The following MOK variants were observed in gnomAD, a reference collection of about 807,000 sequenced individuals.
The protein encoded by MOK is MAPK/MAK/MRK overlapping kinase.
In MOK, 59 loss-of-function variants were observed where a neutral mutation model predicts 54.2. That is an observed-to-expected ratio of 1.09 (90% CI 0.88 to 1.35). The LOEUF (loss-of-function observed/expected upper bound fraction) is 1.35. Ranked by LOEUF, MOK falls within the 40% of genes most tolerant of loss-of-function variation. The pLI is 0.00. For synonymous variants in MOK, 210 were observed against 202.7 expected (o/e 1.04, Z -0.31); for missense variants, 517 against 526.2 (o/e 0.98, Z 0.17).
rs1418413138 is a variant in MOK at position 102,231,482 on chromosome 14, T to A, written c.981+225A>T. 1 of 507,612 alleles carries A rather than the reference T, an allele frequency of 2.0e-6. No individual in the cohort carries two copies. The highest frequency in any genetic ancestry group is 1.9e-5 in the African/African-American group (1 of 51,786). 31.4% of individuals were successfully genotyped at this position (507,612 alleles called of 1,614,324 possible). ...GCCTGCTCACATGGGATATTCGTCA[T>A]CAATTCTTAGCTACTGGGGCAGAAA... On this transcript the variant is annotated intron_variant, in intron 10 of 11. Coordinates refer to ENST00000361847, the MANE Select transcript of MOK (RefSeq NM_014226.3). The surrounding 1 kb of genome is among the most constrained non-coding windows in gnomAD (Gnocchi z 4.4).
intron 7 of MOK, among the ~76,000 whole-genome samples, chr14:102,247,697 T>C (rs1011259489): frequency 6.6e-6 from 1 of 152,208 alleles, no homozygotes; most frequent in Non-Finnish European, 1.5e-5. Context: ...CACAGAGGCG[T>C]AGACCGACTC....
At chr14:102,227,451 C>T (rs574817859), downstream of MOK, among the ~76,000 whole-genome samples, 215 of 152,164 alleles carry the variant, frequency 1.4e-3, no homozygotes, top group African/African-American at 5.1e-3. Flanking sequence ...GGCAGAACGG[C>T]ACCACCCCCC....
At chr14:102,288,179 T>C (rs1244787530) in intron 1 of MOK, among the ~76,000 whole-genome samples, 2 of 152,178 alleles carry the variant, frequency 1.3e-5, no homozygotes, top group African/African-American at 2.4e-5. Context: ...ATTCCACTCC[T>C]ACATATATGC....
chr14:102,216,458 A>C, the MOK span, among the ~76,000 whole-genome samples: 2 of 152,232 alleles, frequency 1.3e-5, no homozygotes, highest in African/African-American at 4.8e-5. Flanking sequence ...AACTCAGCTA[A>C]TTTTTGTGTA....
At chr14:102,227,634 T>A (rs1010983028), downstream of MOK, among the ~76,000 whole-genome samples, 3 of 152,202 alleles carry the variant, frequency 2.0e-5, no homozygotes, top group Admixed American at 2.0e-4. Context: ...GTCTGAACAT[T>A]ACGGCAAGCC....
rs770210905 is a variant in MOK, at chr14:102,250,926, G to A, written c.476C>T (p.Thr159Met). 10 of 1,614,108 alleles carry A rather than the reference G, an allele frequency of 6.2e-6. No homozygotes were observed. The highest frequency in any genetic ancestry group is 4.4e-5 in the South Asian group (4 of 91,084). ...CRSVYSKQPYTEYISTRWYRA... is the reference protein window; with the variant it reads ...CRSVYSKQPYMEYISTRWYRA... ...GTACCAGCGGGTGGAGATGTATTCCGTGTACGGCTGCTTGGAATAGACACT... is the reference window on the plus strand; with the variant it reads ...GTACCAGCGGGTGGAGATGTATTCCATGTACGGCTGCTTGGAATAGACACT... The change falls in exon 7 of 12, where the codon ACG becomes ATG. Residue 159 changes from threonine to methionine, a missense_variant. Physicochemically the swap from Thr to Met is moderately conservative, Grantham distance 81. Coordinates refer to ENST00000361847, the MANE Select transcript of MOK (RefSeq NM_014226.3).
intron 2 of MOK, among the ~76,000 whole-genome samples, chr14:102,271,627 C>T (rs932947222): frequency 6.6e-6 from 1 of 152,066 alleles, no homozygotes; most frequent in Non-Finnish European, 1.5e-5. Flanking sequence ...AGCGCAACCT[C>T]GGCTCACTGC....
chr14:102,300,551 A>G (rs1481149435), intron 1 of MOK, among the ~76,000 whole-genome samples: 1 of 152,170 alleles, frequency 6.6e-6, no homozygotes, highest in Non-Finnish European at 1.5e-5. Flanking sequence ...TCAAACAAAA[A>G]AGAAAGTTCA....
chr14:102,251,032 G>C, intron 6 of MOK, 42 bp from the exon 7 acceptor site: 1 of 1,599,964 alleles, frequency 6.3e-7, no homozygotes, highest in Non-Finnish European at 8.5e-7. Flanking sequence ...ATCCCATTAT[G>C]TGGCTATCAT....
At position 102,229,183 on chromosome 14, in the gene MOK, G is replaced by A. The variant is rs938806641; in HGVS notation, c.*106C>T. On this transcript the variant is annotated 3_prime_UTR_variant, in exon 12 of 12. Coordinates refer to ENST00000361847, the MANE Select transcript of MOK (RefSeq NM_014226.3). ...GAGCCCCGGCCAGCGCGAAACGGAC[G>A]CAGGCGCATCCCCAGCCCTCCGTGG... The A allele has an allele frequency of 3.9e-5, 48 of 1,234,424 alleles. No individual in the cohort carries two copies. Among genetic ancestry groups the A allele is most frequent in the Admixed American group, 1.0e-4 (4 of 39,492 alleles). 76.5% of individuals were successfully genotyped at this position (1,234,424 alleles called of 1,614,324 possible). A position where few individuals can be genotyped will look rare whatever the true frequency, so the allele number is the denominator to read the frequency against.
intron 7 of MOK, among the ~76,000 whole-genome samples, chr14:102,247,030 C>T (rs1157806456): frequency 6.6e-6 from 1 of 152,082 alleles, no homozygotes; most frequent in Non-Finnish European, 1.5e-5. Context: ...CAACGGCCGA[C>T]ACCCCCATTT....
rs763883573 is a variant in MOK at position 102,283,558 on chromosome 14, C to G, written c.42G>C (p.Thr14=). 3.1e-6 allele frequency: 5 copies of G among 1,613,338 alleles called. No homozygotes were observed. The highest frequency in any genetic ancestry group is 2.5e-6 in the Non-Finnish European group (3 of 1,179,692). The change falls in exon 2 of 12, where the codon ACG becomes ACC. Residue 14 remains threonine, a synonymous_variant. Transcript: ENST00000361847. ...TTTGCATCTTCATAACTTCAGAAAA[C>G]GTTCCCTCTCCTATTTTGCCAATTG... ...YKAIGKIGEG[T]FSEVMKMQSL... is the part of the protein sequence containing the mutation.
In MOK at chr14:102,250,898, C is replaced by T. The variant is rs1174797026; in HGVS notation, c.504G>A (p.Arg168=). 123 of 1,613,940 alleles carry T rather than the reference C, an allele frequency of 7.6e-5. No homozygotes were observed. Among genetic ancestry groups the T allele is most frequent in the Non-Finnish European group, 1.0e-4 (121 of 1,180,046 alleles). The stretch of plus-strand genomic sequence containing the variant: ...CATCAGTGAGGAGACACTCCGGGGC[C>T]CGGTACCAGCGGGTGGAGATGTATT... ...YTEYISTRWY[R]APECLLTDGF... is the part of the protein sequence containing the mutation. Residue 168 remains arginine (R), a synonymous_variant, in exon 7 of 12, where the codon CGG becomes CGA. Coordinates refer to ENST00000361847, the MANE Select transcript of MOK (RefSeq NM_014226.3).
At chr14:102,248,212 T>C (rs1050070648) in intron 7 of MOK, among the ~76,000 whole-genome samples, 1 of 152,164 alleles carries the variant, frequency 6.6e-6, no homozygotes, top group African/African-American at 2.4e-5. Flanking sequence ...CTCCCCCTAA[T>C]GCTCTGCAAC....
At chr14:102,280,503 T>C (rs1012549035) in intron 2 of MOK, among the ~76,000 whole-genome samples, 1 of 152,198 alleles carries the variant, frequency 6.6e-6, no homozygotes, top group African/African-American at 2.4e-5. Flanking sequence ...TGAGCCACCA[T>C]GCTGGGCCAA....
chr14:102,295,534 G>C (rs920575687), intron 1 of MOK, among the ~76,000 whole-genome samples: 1 of 152,188 alleles, frequency 6.6e-6, no homozygotes, highest in African/African-American at 2.4e-5. Context: ...ATTGGGGGAG[G>C]TTAATTGCTG....
chr14:102,304,752 C>T (rs1174017870), intron 1 of MOK, among the ~76,000 whole-genome samples: 1 of 152,220 alleles, frequency 6.6e-6, no homozygotes, highest in Admixed American at 6.5e-5. Flanking sequence ...AACCTAGCCC[C>T]AACCCCTCAA....
rs1199562757 is a variant in MOK, at chr14:102,231,584, G to A, written c.981+123C>T. 10 of 789,868 alleles carry A rather than the reference G, an allele frequency of 1.3e-5. No individual in the cohort carries two copies. The highest frequency in any genetic ancestry group is 2.1e-5 in the Admixed American group (1 of 47,944). 48.9% of individuals were successfully genotyped at this position (789,868 alleles called of 1,614,324 possible). A position where few individuals can be genotyped will look rare whatever the true frequency, so the allele number is the denominator to read the frequency against. ...TCAACTCGCATGCTGTTCAGGCCTC[G>A]ACTGACAATGTGGTCTGCCACAGCC... On this transcript the variant is annotated intron_variant, in intron 10 of 11. Coordinates refer to ENST00000361847, the MANE Select transcript of MOK (RefSeq NM_014226.3). The surrounding 1 kb of genome is among the most constrained non-coding windows in gnomAD (Gnocchi z 4.4).
chr14:102,277,070 T>C (rs1293830936), intron 2 of MOK, among the ~76,000 whole-genome samples: 1 of 147,686 alleles, frequency 6.8e-6, no homozygotes, highest in South Asian at 2.2e-4. Context: ...TCTTTCTTCA[T>C]ACGACATACA....
Sources: gnomAD v4.1 joint callset for allele counts (sites outside exome capture counted in the v4.1 genomes callset) on GRCh38, gnomAD v4.1.1 for gene constraint, Gnocchi (gnomAD v3.1) non-coding constraint, MANE v1.5 for transcripts, NCBI Gene and HGNC (gene_info 2026-07-23, HGNC 2026-07-21) for gene names.